PRKN: variants seen among roughly 807,000 people sequenced by gnomAD.
The protein encoded by PRKN is parkin RBR E3 ubiquitin protein ligase.
Under a neutral mutation model 59.5 loss-of-function variants are expected in PRKN, and 56 were observed. The observed-to-expected ratio is 0.94, with a 90% CI of 0.76 to 1.18. PRKN has a LOEUF of 1.18. PRKN is among the 50% of genes most tolerant of loss of function. The probability of loss-of-function intolerance (pLI) is 0.00; values close to 1 mark genes in which losing one functional copy is unlikely to be tolerated. For missense variants in PRKN, 657 were observed against 596.4 expected, an observed-to-expected ratio of 1.10 and a Z score of -1.06; for synonymous variants, 250 against 222.1, an observed-to-expected ratio of 1.13 and a Z score of -1.12.
intron 6 of PRKN, among the ~76,000 whole-genome samples, chr6:161,965,619 C>T (rs541651038): frequency 3.5e-4 from 54 of 152,116 alleles, no homozygotes; most frequent in African/African-American, 1.1e-3. Context: ...AGAACATACC[C>T]AAGGTGGCTG....
At chr6:162,392,776 C>T (rs1279481565) in intron 2 of PRKN, among the ~76,000 whole-genome samples, 2 of 152,184 alleles carry the variant, frequency 1.3e-5, no homozygotes, top group South Asian at 2.1e-4. Context: ...CTCAGCCTAT[C>T]ATTGCTAAAA....
chr6:162,288,316 T>C (rs1315996553), intron 2 of PRKN, among the ~76,000 whole-genome samples: 1 of 152,166 alleles, frequency 6.6e-6, no homozygotes, highest in Non-Finnish European at 1.5e-5. Flanking sequence ...CTCCCTGATC[T>C]GTGTATCTGC....
At chr6:161,747,461 G>A (rs887799360) in intron 7 of PRKN, among the ~76,000 whole-genome samples, 14 of 151,784 alleles carry the variant, frequency 9.2e-5, no homozygotes, top group Non-Finnish European at 1.5e-5. Context: ...GAGAGAGAGA[G>A]GATGAGATGA....
At chr6:162,114,666 T>C (rs35558462) in intron 4 of PRKN, among the ~76,000 whole-genome samples, 33,219 of 141,612 alleles carry the variant, frequency 0.23, 4,102 homozygotes, top group African/African-American at 0.28. Context: ...CAAACAACCC[T>C]ATCAAAAAGT....
chr6:162,597,171 A>C (rs928061664), intron 1 of PRKN, among the ~76,000 whole-genome samples: 4 of 152,188 alleles, frequency 2.6e-5, no homozygotes, highest in African/African-American at 9.7e-5. Context: ...AAATGGACAA[A>C]AGATACAATG....
intron 7 of PRKN, among the ~76,000 whole-genome samples, chr6:161,744,959 A>G (rs1788352704): frequency 1.3e-5 from 2 of 152,218 alleles, no homozygotes; most frequent in Non-Finnish European, 2.9e-5. Flanking sequence ...GGTCAATATT[A>G]GCGTTATGTC....
chr6:161,710,878 TCCTTCTC>T (rs751470750), intron 7 of PRKN, among the ~76,000 whole-genome samples: 9 of 116,496 alleles, frequency 7.7e-5, no homozygotes, highest in Non-Finnish European at 1.6e-4. Flanking sequence ...CTTCCTTCCT[TCCTTCTC>T]TCCCTCCCTT....
intron 6 of PRKN, among the ~76,000 whole-genome samples, chr6:161,896,911 A>G (rs929183466): frequency 6.6e-6 from 1 of 152,258 alleles, no homozygotes; most frequent in Admixed American, 6.5e-5. Flanking sequence ...TCATTGTTGT[A>G]GAAAGGCGTG....
intron 2 of PRKN, among the ~76,000 whole-genome samples, chr6:162,390,394 TATACACACACAC>T (rs1436589101): frequency 1.2e-4 from 15 of 120,778 alleles, no homozygotes; most frequent in African/African-American, 5.0e-4. Context: ...TATATATATA[TATACACACACAC>T]ACACACACAC....
intron 1 of PRKN, among the ~76,000 whole-genome samples, chr6:162,530,190 T>G (rs1778455037): frequency 1.3e-5 from 2 of 151,672 alleles, no homozygotes; most frequent in Admixed American, 1.3e-4. Context: ...AGTTAATTAT[T>G]AGTTAACATG....
At chr6:161,433,242 T>C (rs756491760) in intron 9 of PRKN, among the ~76,000 whole-genome samples, 10 of 152,180 alleles carry the variant, frequency 6.6e-5, no homozygotes, top group East Asian at 3.9e-4. Context: ...AAGAAATTCA[T>C]ATTGAGGGCT....
intron 1 of PRKN, among the ~76,000 whole-genome samples, chr6:162,635,599 ATAATAT>A (rs1486000816): frequency 1.6e-4 from 4 of 24,678 alleles, no homozygotes; most frequent in African/African-American, 3.7e-4. Flanking sequence ...TTTTATTATA[ATAATAT>A]TATTAATTTT....
chr6:161,970,400 T>A (rs1780755493), intron 6 of PRKN, among the ~76,000 whole-genome samples: 1 of 21,646 alleles, frequency 4.6e-5, no homozygotes, highest in African/African-American at 1.1e-4. Context: ...GATACGAAAC[T>A]ATATATATAT....
At position 161,860,461 on chromosome 6, in the gene PRKN, A is replaced by G. The variant is rs543051539; in HGVS notation, c.735-74553T>C. ...TTCTTTTTCAACATCAGATTTTACA[A>G]TATTTGCGATCTCGCACTCACTTTT... On this transcript the variant is annotated intron_variant, in intron 6 of 11. Coordinates refer to ENST00000366898, the MANE Select transcript of PRKN (RefSeq NM_004562.3). Among the ~76,000 whole-genome samples the G allele has an allele frequency of 1.8e-4, 27 of 152,276 alleles. No individual in the cohort carries two copies. In the East Asian group the frequency reaches 2.1e-3, roughly 12 times the overall value.
chr6:162,316,491 T>C (rs1782758812), intron 2 of PRKN, among the ~76,000 whole-genome samples: 2 of 152,200 alleles, frequency 1.3e-5, no homozygotes, highest in Non-Finnish European at 2.9e-5. Flanking sequence ...CCATAATTTA[T>C]GACTTTTTAT....
At chr6:161,960,733 C>T (rs1329318307) in intron 6 of PRKN, among the ~76,000 whole-genome samples, 1 of 152,202 alleles carries the variant, frequency 6.6e-6, no homozygotes, top group Non-Finnish European at 1.5e-5. Context: ...GAAAGTCAAT[C>T]TGTCTTGCTT....
rs1312606808 is a variant in PRKN, at chr6:161,405,448, C to G, written c.1084-18571G>C. 6.6e-6 allele frequency among the ~76,000 whole-genome samples: 1 copy of G among 151,920 alleles called. No homozygotes were observed. Among genetic ancestry groups the G allele is most frequent in the Non-Finnish European group, 1.5e-5 (1 of 67,998 alleles). On this transcript the variant is annotated intron_variant, in intron 9 of 11. Transcript: ENST00000366898. This position sits in a 1 kb window ranked among gnomAD's most constrained non-coding sequence, Gnocchi z 5.1. ...CACAAATTAGCCAGGCATGGTGGCACACATCTGTAATCCCAGCTACTTGGG... is the reference window on the plus strand; with the variant it reads ...CACAAATTAGCCAGGCATGGTGGCAGACATCTGTAATCCCAGCTACTTGGG...
intron 4 of PRKN, among the ~76,000 whole-genome samples, chr6:162,192,434 T>C (rs1048226471): frequency 4.8e-5 from 7 of 146,508 alleles, no homozygotes; most frequent in Non-Finnish European, 8.9e-5. Context: ...ATTCAATAAA[T>C]TATAGGGATT....
At chr6:161,633,763 G>A (rs1783403246) in intron 7 of PRKN, among the ~76,000 whole-genome samples, 1 of 152,056 alleles carries the variant, frequency 6.6e-6, no homozygotes, top group African/African-American at 2.4e-5. Context: ...AGCACTCAGT[G>A]TCCTGCATAT....
Sources: allele counts gnomAD v4.1 joint callset (sites outside exome capture counted in the v4.1 genomes callset), GRCh38; gene constraint gnomAD v4.1.1; non-coding constraint Gnocchi (gnomAD v3.1); transcripts MANE v1.5; gene names NCBI Gene and HGNC (gene_info 2026-07-23, HGNC 2026-07-21).